The following SEL1L3 variants were observed in gnomAD, a reference collection of about 807,000 sequenced individuals.
SEL1L3 encodes the protein SEL1L family member 3, also known as protein sel-1 homolog 3.
In SEL1L3, 76 loss-of-function variants were observed where a neutral mutation model predicts 142.8. That is an observed-to-expected ratio of 0.53 (90% CI 0.44 to 0.64). The LOEUF (loss-of-function observed/expected upper bound fraction) is 0.64, where lower values mean the gene tolerates loss of function less well. SEL1L3 is among the 30% of genes least tolerant of loss of function. SEL1L3 has a pLI of 0.00. For synonymous variants in SEL1L3, 504 were observed against 519.6 expected (o/e 0.97, Z 0.41); for missense variants, 1,262 against 1,381.7 (o/e 0.91, Z 1.37).
chr4:25,756,811 T>C lies in SEL1L3; in HGVS notation c.3259+723A>G, dbSNP rs774537913. On this transcript the variant is annotated intron_variant, in intron 23 of 23. Transcript: ENST00000399878. ...TTTATTCATTACGAGTGTTTGTTTA[T>C]CCTCTTACACATCTGATTGCTTGAC... 9.6e-6 allele frequency: 12 copies of C among 1,255,002 alleles called. 1 individual carries two copies. The South Asian group carries it at 1.3e-4, about 14-fold the overall frequency. 77.7% of individuals were successfully genotyped at this position (1,255,002 alleles called of 1,614,324 possible).
downstream of SEL1L3, among the ~76,000 whole-genome samples, chr4:25,743,520 T>C (rs1194637810): frequency 6.6e-6 from 1 of 152,154 alleles, no homozygotes; most frequent in Non-Finnish European, 1.5e-5. Context: ...CTTGATTTTA[T>C]ACATTTTAGG....
At position 25,788,009 on chromosome 4, in the gene SEL1L3, C is replaced by T. The variant is rs116572476; in HGVS notation, c.2217+215G>A. 3.9e-3 allele frequency among the ~76,000 whole-genome samples: 588 copies of T among 152,292 alleles called. 3 individuals carry two copies. The highest frequency in any genetic ancestry group is 5.6e-3 in the Non-Finnish European group (382 of 68,036). ...GGTTCTTGCGAAAGCACAGAGAATC[C>T]AGGTGCCAAACATAAGACTAATGAT... On this transcript the variant is annotated intron_variant, in intron 13 of 23. Coordinates refer to ENST00000399878, the MANE Select transcript of SEL1L3 (RefSeq NM_015187.5). This position sits in a 1 kb window ranked among gnomAD's most constrained non-coding sequence, Gnocchi z 5.3.
intron 10 of SEL1L3, among the ~76,000 whole-genome samples, chr4:25,803,209 G>C (rs1440084495): frequency 6.6e-6 from 1 of 152,236 alleles, no homozygotes; most frequent in East Asian, 1.9e-4. Context: ...TGGGAAAAGA[G>C]AGGCCCAGAA....
chr4:25,835,239 C>G lies in SEL1L3; in HGVS notation c.818G>C (p.Arg273Pro), dbSNP rs758476664. 1 of 1,613,886 alleles carries G rather than the reference C, an allele frequency of 6.2e-7. No homozygotes were observed. Among genetic ancestry groups the G allele is most frequent in the Non-Finnish European group, 8.5e-7 (1 of 1,179,886 alleles). ...CTGGCGTCGAGTGGCCTCCAGCTCT[C>G]GGTTCCGAAACCTCGGGAACTTCTT... ...IVKKFPRFRN[R>P]ELEATRRQRM... Residue 273 changes from arginine (R) to proline (P), a missense_variant, in exon 3 of 24, where the codon CGA becomes CCA. By Grantham distance (103) the Arg-to-Pro change is moderately radical. Around this residue, in one of 3 missense-constraint regions of SEL1L3, gnomAD observed 689 missense variants for 692.8 expected, o/e 0.99. Coordinates refer to ENST00000399878, the MANE Select transcript of SEL1L3 (RefSeq NM_015187.5).
At chr4:25,854,609 T>C (rs1717120634) in intron 1 of SEL1L3, among the ~76,000 whole-genome samples, 1 of 152,168 alleles carries the variant, frequency 6.6e-6, no homozygotes, top group African/African-American at 2.4e-5. Context: ...GATAGAGTTT[T>C]GAAGAACAAA....
rs1241296883 is a variant in SEL1L3, at chr4:25,754,827, ATTATT to A, written c.3259+2702_3259+2706del. Among the ~76,000 whole-genome samples, 4 of 152,162 alleles carry A rather than the reference ATTATT, an allele frequency of 2.6e-5. No homozygotes were observed. The East Asian group carries it at 7.7e-4, about 29-fold the overall frequency. ...CTAGAATGTACTTATTGAAATCAAT[ATTATT>A]TTATTACAATTAGTTTCTTTTTATT... is the stretch of plus-strand genomic sequence containing the variant. On this transcript the variant is annotated intron_variant, in intron 23 of 23. Coordinates refer to ENST00000399878, the MANE Select transcript of SEL1L3 (RefSeq NM_015187.5).
chr4:25,834,651 G>A (rs774935988), intron 3 of SEL1L3, among the ~76,000 whole-genome samples: 1 of 152,100 alleles, frequency 6.6e-6, no homozygotes, highest in Non-Finnish European at 1.5e-5. Context: ...ACATACGCTC[G>A]GTAAAGTGAC....
intron 6 of SEL1L3, among the ~76,000 whole-genome samples, chr4:25,827,409 C>A (rs115102776): frequency 0.023 from 3,435 of 152,274 alleles, 141 homozygotes; most frequent in African/African-American, 0.079. Flanking sequence ...CATGTGAAGA[C>A]TGAAGTTATG....
intron 9 of SEL1L3, among the ~76,000 whole-genome samples, chr4:25,815,941 C>T (rs940496954): frequency 2.0e-5 from 3 of 150,262 alleles, no homozygotes; most frequent in Non-Finnish European, 4.4e-5. Flanking sequence ...ACAGGACAGC[C>T]CCCAACAAAA....
At chr4:25,750,109 C>T (rs913289032) in intron 23 of SEL1L3, among the ~76,000 whole-genome samples, 1 of 152,016 alleles carries the variant, frequency 6.6e-6, no homozygotes, top group Admixed American at 6.6e-5. Flanking sequence ...TGGCACGTGC[C>T]TGTAATCCCA....
chr4:25,861,628 CTCTT>C (rs1014773642), intron 1 of SEL1L3, among the ~76,000 whole-genome samples: 11 of 124,332 alleles, frequency 8.8e-5, no homozygotes, highest in African/African-American at 3.1e-4. Context: ...AATGACACTG[CTCTT>C]TTTTTTTTTT....
At chr4:25,776,908 C>CCCT (rs1719673669) in intron 16 of SEL1L3, among the ~76,000 whole-genome samples, 1 of 151,094 alleles carries the variant, frequency 6.6e-6, no homozygotes, top group African/African-American at 2.4e-5. Flanking sequence ...AAAAACCCCC[C>CCCT]CACAGATGTG....
chr4:25,761,421 G>T (rs547656407), intron 20 of SEL1L3, among the ~76,000 whole-genome samples: 2 of 152,188 alleles, frequency 1.3e-5, no homozygotes, highest in African/African-American at 4.8e-5. Context: ...CTCCCAAAGT[G>T]CTGGCACTAC....
the SEL1L3 span, among the ~76,000 whole-genome samples, chr4:25,734,748 T>C: frequency 1.3e-5 from 2 of 152,008 alleles, no homozygotes; most frequent in African/African-American, 2.4e-5. Flanking sequence ...TTTGTGTTTT[T>C]AGTAGATACA....
chr4:25,851,365 A>G (rs938913180), intron 1 of SEL1L3, among the ~76,000 whole-genome samples: 1 of 152,104 alleles, frequency 6.6e-6, no homozygotes, highest in African/African-American at 2.4e-5. Context: ...TAAAAAACAG[A>G]CTCAGAAATA....
At chr4:25,717,390 G>T in the SEL1L3 span, among the ~76,000 whole-genome samples, 1 of 152,190 alleles carries the variant, frequency 6.6e-6, no homozygotes, top group Non-Finnish European at 1.5e-5. Context: ...ATTGTGCAGG[G>T]CACAGTGGCT....
At chr4:25,725,901 A>G in the SEL1L3 span, among the ~76,000 whole-genome samples, 2 of 152,120 alleles carry the variant, frequency 1.3e-5, no homozygotes, top group African/African-American at 4.8e-5. Context: ...TTTCATTGCT[A>G]TCTTAGATTT....
the SEL1L3 span, among the ~76,000 whole-genome samples, chr4:25,733,038 G>A: frequency 0.25 from 37,961 of 151,622 alleles, 5,046 homozygotes; most frequent in Middle Eastern, 0.37. Context: ...GAGCCACTGC[G>A]CCTGGCGAGT....
chr4:25,830,028 G>C, intron 6 of SEL1L3, 70 bp downstream of exon 6: 1 of 947,860 alleles, frequency 1.1e-6, no homozygotes, highest in Admixed American at 1.9e-5. Context: ...TTAGGGCTGA[G>C]GGCTAAAGTA....
Sources: allele counts gnomAD v4.1 joint callset (sites outside exome capture counted in the v4.1 genomes callset), GRCh38; gene constraint gnomAD v4.1.1; regional missense constraint gnomAD v4.1.1; non-coding constraint Gnocchi (gnomAD v3.1); transcripts MANE v1.5; gene names NCBI Gene and HGNC (gene_info 2026-07-23, HGNC 2026-07-21).